Variants in TPTE2 observed in about 807,000 individuals in gnomAD.
TPTE2 encodes the protein transmembrane phosphoinositide 3-phosphatase and tensin homolog 2.
A neutral mutation model predicts 78.6 loss-of-function variants in TPTE2; 53 were observed. The observed-to-expected ratio is 0.67, with a 90% CI of 0.54 to 0.85. The LOEUF is 0.85. Ranked by LOEUF, TPTE2 falls within the 40% of genes least tolerant of loss-of-function variation. The probability of loss-of-function intolerance (pLI) is 0.00; values close to 1 mark genes in which losing one functional copy is unlikely to be tolerated. For missense variants in TPTE2, 461 were observed against 623.0 expected (o/e 0.74, Z 2.77); for synonymous variants, 175 against 206.2 (o/e 0.85, Z 1.30).
At chr13:19,437,940 T>C (rs1374108329) in intron 14 of TPTE2, 152 bp downstream of exon 17, 28 of 1,123,774 alleles carry the variant, frequency 2.5e-5, no homozygotes, top group Non-Finnish European at 3.3e-5. Context: ...AACAAGAAAG[T>C]ATCAAAAATA....
intron 13 of TPTE2, among the ~76,000 whole-genome samples, chr13:19,444,125 C>T (rs1383631126): frequency 2.6e-5 from 4 of 150,968 alleles, no homozygotes; most frequent in Non-Finnish European, 4.4e-5. Context: ...GGCAACATAG[C>T]GAAACCCCAT....
At chr13:19,526,751 T>C (rs1464627394) in intron 1 of TPTE2, among the ~76,000 whole-genome samples, 1 of 62,736 alleles carries the variant, frequency 1.6e-5, no homozygotes, top group African/African-American at 3.1e-5. Flanking sequence ...AAAATGTGCA[T>C]ACAAAAAAAA....
chr13:19,523,461 A>C (rs921865226), intron 1 of TPTE2, among the ~76,000 whole-genome samples: 4 of 152,094 alleles, frequency 2.6e-5, no homozygotes, highest in Non-Finnish European at 5.9e-5. Context: ...ACTTCCAAAT[A>C]CACTTTTATT....
At chr13:19,445,417 CA>C (rs34499535) in intron 13 of TPTE2, among the ~76,000 whole-genome samples, 148,117 of 152,266 alleles carry the variant, frequency 0.97, 72,129 homozygotes, top group East Asian at 1. Context: ...ATCACACACC[CA>C]AAAGGCTAAA....
intron 6 of TPTE2, among the ~76,000 whole-genome samples, chr13:19,469,424 T>TAACCAAAACA (rs1879475061): frequency 6.6e-6 from 1 of 152,208 alleles, no homozygotes; most frequent in Non-Finnish European, 1.5e-5. Context: ...TTTGGTTATA[T>TAACCAAAACA]AGTTCTGTAG....
chr13:19,430,896 G>A (rs935986936), intron 16 of TPTE2, among the ~76,000 whole-genome samples: 1 of 152,158 alleles, frequency 6.6e-6, no homozygotes, highest in African/African-American at 2.4e-5. Flanking sequence ...GGAGGGCGAG[G>A]TGGGTGGATT....
chr13:19,560,470 C>T, the TPTE2 span: 1 of 1,601,482 alleles, frequency 6.2e-7, no homozygotes, highest in Non-Finnish European at 8.5e-7. Flanking sequence ...CTGGGCCACA[C>T]CCGGCACCAG....
chr13:19,433,231 T>C (rs1236816811), intron 15 of TPTE2, among the ~76,000 whole-genome samples: 5 of 152,160 alleles, frequency 3.3e-5, no homozygotes, highest in African/African-American at 1.2e-4. Flanking sequence ...TTGGCCATCA[T>C]GGTGGCTCCC....
At chr13:19,434,807 T>C (rs1451736379) in intron 15 of TPTE2, among the ~76,000 whole-genome samples, 1 of 152,100 alleles carries the variant, frequency 6.6e-6, no homozygotes, top group Non-Finnish European at 1.5e-5. Context: ...CTCACTTCGG[T>C]TTCAGGGGCA....
chr13:19,526,985 TG>T (rs1282317128), intron 1 of TPTE2, among the ~76,000 whole-genome samples: 2 of 152,070 alleles, frequency 1.3e-5, no homozygotes, highest in Non-Finnish European at 2.9e-5. Context: ...CCAGAAGACG[TG>T]TGAGGACTGA....
chr13:19,509,388 C>A (rs570580782), intron 1 of TPTE2, among the ~76,000 whole-genome samples: 7 of 152,172 alleles, frequency 4.6e-5, no homozygotes, highest in East Asian at 3.9e-4. Flanking sequence ...CAATAATAAT[C>A]AAGAACAAAC....
At chr13:19,551,710 T>C in the TPTE2 span, among the ~76,000 whole-genome samples, 1 of 152,138 alleles carries the variant, frequency 6.6e-6, no homozygotes, top group African/African-American at 2.4e-5. Context: ...CATATAAGAC[T>C]AAATATTTCT....
intron 4 of TPTE2, among the ~76,000 whole-genome samples, chr13:19,479,973 A>G (rs1343388983): frequency 6.6e-6 from 1 of 152,204 alleles, no homozygotes; most frequent in Admixed American, 6.5e-5. Context: ...AAAAAAAAAA[A>G]AGAGATAGAA....
upstream of TPTE2, chr13:19,505,607 C>T (rs1868960084): frequency 6.6e-6 from 1 of 152,130 alleles, no homozygotes; most frequent in Non-Finnish European, 1.5e-5. Flanking sequence ...TGAGTCAGAA[C>T]TCCCTACAAA....
chr13:19,493,042 G>T, intron 2 of TPTE2, 139 bp from the exon 6 acceptor site: 1 of 1,196,886 alleles, frequency 8.4e-7, no homozygotes, highest in Non-Finnish European at 1.2e-6. Context: ...ATACTGCTTA[G>T]TAGGAACTAA....
intron 1 of TPTE2, among the ~76,000 whole-genome samples, chr13:19,497,493 CT>C (rs1829058440): frequency 1.0e-5 from 1 of 97,592 alleles, no homozygotes; most frequent in Non-Finnish European, 2.5e-5. Flanking sequence ...TCCCTGACCC[CT>C]GACCCCTGAG....
chr13:19,460,891 G>T (rs917371493), intron 10 of TPTE2, among the ~76,000 whole-genome samples: 6 of 152,230 alleles, frequency 3.9e-5, no homozygotes, highest in African/African-American at 1.4e-4. Flanking sequence ...AAAGCCATAT[G>T]CCCTGACTAT....
chr13:19,472,834 G>A (rs1593379381), intron 6 of TPTE2, among the ~76,000 whole-genome samples: 1 of 152,300 alleles, frequency 6.6e-6, no homozygotes, highest in East Asian at 1.9e-4. Context: ...GGGCTTGTTT[G>A]TACCCATCTT....
intron 13 of TPTE2, among the ~76,000 whole-genome samples, chr13:19,438,860 C>G (rs1050659241): frequency 3.3e-5 from 5 of 152,126 alleles, no homozygotes; most frequent in Non-Finnish European, 5.9e-5. Flanking sequence ...GGACAGCATT[C>G]GACTGATAAA....
Sources: allele counts gnomAD v4.1 joint callset (sites outside exome capture counted in the v4.1 genomes callset), GRCh38; gene constraint gnomAD v4.1.1; transcripts MANE v1.5; gene names NCBI Gene and HGNC (gene_info 2026-07-23, HGNC 2026-07-21).